ANKRD20A1: variants seen among roughly 807,000 people sequenced by gnomAD.
ANKRD20A1 encodes the protein ankyrin repeat domain 20 family member A1.
A neutral mutation model predicts 50.9 loss-of-function variants in ANKRD20A1; 2 were observed. That is an observed-to-expected ratio of 0.04 (90% CI 0.02 to 0.12). ANKRD20A1 has a LOEUF of 0.12. ANKRD20A1 is among the 10% of genes least tolerant of loss of function. The pLI is 1.00. For missense variants in ANKRD20A1, 31 were observed against 548.1 expected, an observed-to-expected ratio of 0.06 and a Z score of 9.42; for synonymous variants, 10 against 186.2, an observed-to-expected ratio of 0.05 and a Z score of 7.70.
intron 8 of ANKRD20A1, among the ~76,000 whole-genome samples, chr9:67,881,816 A>G (rs1324961982): frequency 6.6e-6 from 1 of 151,384 alleles, no homozygotes; most frequent in African/African-American, 2.4e-5. Flanking sequence ...TAACCACTCA[A>G]AGTCCTCATA....
At chr9:67,864,707 G>C (rs1264421266) in intron 3 of ANKRD20A1, among the ~76,000 whole-genome samples, 1 of 45,716 alleles carries the variant, frequency 2.2e-5, no homozygotes, top group Non-Finnish European at 4.3e-5. Flanking sequence ...TCAAGGTTGG[G>C]ATACACTCTT....
intron 3 of ANKRD20A1, among the ~76,000 whole-genome samples, chr9:67,865,076 C>CTTG (rs1564331278): frequency 4.0e-5 from 6 of 150,850 alleles, no homozygotes; most frequent in Admixed American, 6.6e-5. Flanking sequence ...TATGTGTCAA[C>CTTG]AAATGTTCAT....
chr9:67,881,821 C>T (rs548125826), intron 8 of ANKRD20A1, among the ~76,000 whole-genome samples: 101 of 151,390 alleles, frequency 6.7e-4, no homozygotes, highest in African/African-American at 2.2e-3. Context: ...ACTCAAAGTC[C>T]TCATATCATA....
At position 67,861,408 on chromosome 9, in the gene ANKRD20A1, A is replaced by G. The variant is rs1339459637; in HGVS notation, c.204-1533A>G. The stretch of plus-strand genomic sequence containing the variant: ...AATAAAACAACACATATAAATAATT[A>G]CTATTGCAAAAATATTGCTTTATAG... On this transcript the variant is annotated intron_variant, in intron 1 of 14. Coordinates refer to ENST00000562196, the MANE Select transcript of ANKRD20A1 (RefSeq NM_032250.5). Among the ~76,000 whole-genome samples, 2 of 41,292 alleles carry G rather than the reference A, an allele frequency of 4.8e-5. 1 individual carries two copies. Among genetic ancestry groups the G allele is most frequent in the East Asian group, 9.7e-4 (2 of 2,056 alleles). The allele number at this position is 41,292 out of a possible 152,430, so 27.1% of individuals were successfully genotyped here.
intron 14 of ANKRD20A1, among the ~76,000 whole-genome samples, chr9:67,900,258 G>GGT (rs1299148856): frequency 1.5e-4 from 3 of 20,234 alleles, no homozygotes; most frequent in Admixed American, 1.0e-3. Context: ...AAAATTCTCT[G>GGT]GTGTGTGTGT....
intron 8 of ANKRD20A1, among the ~76,000 whole-genome samples, chr9:67,881,423 C>A (rs1827793102): frequency 6.7e-6 from 1 of 150,054 alleles, no homozygotes; most frequent in South Asian, 2.1e-4. Flanking sequence ...ACTCTTAATA[C>A]CAATGGATGG....
chr9:67,881,232 C>T (rs1474419680), intron 8 of ANKRD20A1, among the ~76,000 whole-genome samples: 2 of 142,436 alleles, frequency 1.4e-5, no homozygotes, highest in African/African-American at 2.5e-5. Context: ...TGGGCAACAT[C>T]GTATCTGATT....
chr9:67,891,024 G>A lies in ANKRD20A1; in HGVS notation c.1082-2412G>A, dbSNP rs1344622376. On this transcript the variant is annotated intron_variant, in intron 11 of 14. Coordinates refer to ENST00000562196, the MANE Select transcript of ANKRD20A1 (RefSeq NM_032250.5). ...AAAATCCCCATATGTGGCTGGGCGC[G>A]GTGGCTCGTGCCTGTAATCCCAGCA... 4.7e-5 allele frequency among the ~76,000 whole-genome samples: 4 copies of A among 85,302 alleles called. 2 individuals carry two copies. The highest frequency in any genetic ancestry group is 7.7e-5 in the African/African-American group (2 of 26,036). The allele number at this position is 85,302 out of a possible 152,430, so 56.0% of individuals were successfully genotyped here. A position where few individuals can be genotyped will look rare whatever the true frequency, so the allele number is the denominator to read the frequency against.
chr9:67,873,508 TAC>T (rs1269805650), intron 6 of ANKRD20A1, among the ~76,000 whole-genome samples: 1 of 150,964 alleles, frequency 6.6e-6, no homozygotes, highest in African/African-American at 2.4e-5. Flanking sequence ...ACCATCTGAT[TAC>T]AGTTACACGT....
Position 67,894,699 on chromosome 9 carries a change from A to G in ANKRD20A1, c.1152+1193A>G, listed in dbSNP as rs1827990765. On this transcript the variant is annotated intron_variant, in intron 12 of 14. Transcript: ENST00000562196. ...GATTAAAGCTAATTTTAAAACATGC[A>G]CTCTGACAGAAAAGGCATCTGAGAA... Among the ~76,000 whole-genome samples the G allele has an allele frequency of 2.5e-5, 2 of 80,366 alleles. 1 individual carries two copies. Among genetic ancestry groups the G allele is most frequent in the Admixed American group, 3.6e-4 (2 of 5,598 alleles). The allele number at this position is 80,366 out of a possible 152,430, so 52.7% of individuals were successfully genotyped here. A position where few individuals can be genotyped will look rare whatever the true frequency, so the allele number is the denominator to read the frequency against.
chr9:67,894,603 A>G lies in ANKRD20A1; in HGVS notation c.1152+1097A>G, dbSNP rs1214722115. Among the ~76,000 whole-genome samples, 4 of 94,274 alleles carry G rather than the reference A, an allele frequency of 4.2e-5. 1 individual carries two copies. The highest frequency in any genetic ancestry group is 9.6e-5 in the Non-Finnish European group (4 of 41,534). 61.8% of individuals were successfully genotyped at this position (94,274 alleles called of 152,430 possible). A position where few individuals can be genotyped will look rare whatever the true frequency, so the allele number is the denominator to read the frequency against. On this transcript the variant is annotated intron_variant, in intron 12 of 14. Transcript: ENST00000562196. Reference sequence around the variant, plus strand: ...CTTTTTAGTTACAATCCCATAATTTAAGGGTGGCAACACATAGATTAAGTT... The same window carrying G: ...CTTTTTAGTTACAATCCCATAATTTGAGGGTGGCAACACATAGATTAAGTT...
rs1827663372 is a variant in ANKRD20A1 at position 67,872,375 on chromosome 9, T to G, written c.793+1163T>G. Among the ~76,000 whole-genome samples, 2 of 133,144 alleles carry G rather than the reference T, an allele frequency of 1.5e-5. 1 individual carries two copies. The highest frequency in any genetic ancestry group is 5.6e-5 in the African/African-American group (2 of 35,910). The allele number at this position is 133,144 out of a possible 152,430, so 87.3% of individuals were successfully genotyped here. ...ACACACACGCACATGTGCACACACC[T>G]GTGCACACAGACACAAAGTTAAAAG... On this transcript the variant is annotated intron_variant, in intron 6 of 14. Transcript: ENST00000562196.
chr9:67,859,078 G>GGCA lies in ANKRD20A1; in HGVS notation c.-345_-343dup. 2.7e-5 allele frequency: 1 copy of GGCA among 36,784 alleles called. No individual in the cohort carries two copies. The highest frequency in any genetic ancestry group is 5.0e-5 in the Non-Finnish European group (1 of 20,030). The allele number at this position is 36,784 out of a possible 1,614,324, so 2.3% of individuals were successfully genotyped here. A position where few individuals can be genotyped will look rare whatever the true frequency, so the allele number is the denominator to read the frequency against. On this transcript the variant is annotated 5_prime_UTR_variant, in exon 1 of 15. Coordinates refer to ENST00000562196, the MANE Select transcript of ANKRD20A1 (RefSeq NM_032250.5). ...GCCAGGGAGCGTCTTCCGGGAGCCC[G>GGCA]GCAGCAACCGCGGTGCAGGCGCGCT...
chr9:67,877,948 T>C, intron 7 of ANKRD20A1, 158 bp downstream of exon 7: 1 of 184,930 alleles, frequency 5.4e-6, no homozygotes, highest in Non-Finnish European at 1.1e-5. Flanking sequence ...TCCTGTAACC[T>C]ACTGTTTATT....
intron 9 of ANKRD20A1, among the ~76,000 whole-genome samples, chr9:67,885,526 A>G (rs1286392061): frequency 3.9e-5 from 6 of 152,294 alleles, no homozygotes; most frequent in Admixed American, 2.6e-4. Context: ...CCAAATTAAC[A>G]TAATTGAATA....
intron 4 of ANKRD20A1, among the ~76,000 whole-genome samples, chr9:67,867,878 C>T (rs372655301): frequency 0.022 from 2,738 of 122,552 alleles, 1 homozygote; most frequent in South Asian, 0.035. Context: ...AGGATGGTCT[C>T]GATCTCTTGA....
chr9:67,872,262 C>G (rs1225932980), intron 6 of ANKRD20A1, among the ~76,000 whole-genome samples: 3 of 121,608 alleles, frequency 2.5e-5, no homozygotes, highest in African/African-American at 5.8e-5. Context: ...GACGGAAAAG[C>G]AATTCCTTTG....
At chr9:67,882,843 G>A (rs1265632591) in intron 8 of ANKRD20A1, among the ~76,000 whole-genome samples, 2 of 150,124 alleles carry the variant, frequency 1.3e-5, no homozygotes, top group South Asian at 2.1e-4. Context: ...GTGTCCAGGT[G>A]TTCTCATTGT....
chr9:67,880,937 T>G (rs1827783849), intron 8 of ANKRD20A1, among the ~76,000 whole-genome samples: 1 of 99,934 alleles, frequency 1.0e-5, no homozygotes, highest in Non-Finnish European at 2.1e-5. Context: ...AAATCTTCAG[T>G]GGATCAAATT....
Sources: gnomAD v4.1 joint callset for allele counts (sites outside exome capture counted in the v4.1 genomes callset) on GRCh38, gnomAD v4.1.1 for gene constraint, MANE v1.5 for transcripts, NCBI Gene and HGNC (gene_info 2026-07-23, HGNC 2026-07-21) for gene names.